SYN2: variants seen among roughly 807,000 people sequenced by gnomAD.
The protein encoded by SYN2 is synapsin II.
SYN2 carries 19 observed loss-of-function variants against 50.9 expected under a neutral mutation model. The ratio of observed to expected loss-of-function variants is 0.37; its 90% CI spans 0.26 to 0.55. The LOEUF is 0.55. Ranked by LOEUF, SYN2 falls within the 20% of genes least tolerant of loss-of-function variation. The pLI is 0.81. For missense variants in SYN2, 587 were observed against 576.4 expected, an observed-to-expected ratio of 1.02 and a Z score of -0.19; for synonymous variants, 255 against 224.9, an observed-to-expected ratio of 1.13 and a Z score of -1.20.
At chr3:12,127,279 C>T (rs762115867) in intron 1 of SYN2, among the ~76,000 whole-genome samples, 33 of 152,196 alleles carry the variant, frequency 2.2e-4, no homozygotes, top group Non-Finnish European at 7.3e-5. Context: ...AGAGCAAGAA[C>T]AGCACTATCT....
At chr3:12,106,623 T>C (rs976074733) in intron 1 of SYN2, among the ~76,000 whole-genome samples, 2 of 152,172 alleles carry the variant, frequency 1.3e-5, no homozygotes, top group South Asian at 2.1e-4. Context: ...TACAATCTTA[T>C]TCATGTTTAA....
intron 1 of SYN2, among the ~76,000 whole-genome samples, chr3:12,111,166 A>G (rs923932433): frequency 1.3e-5 from 2 of 152,162 alleles, no homozygotes; most frequent in Non-Finnish European, 1.5e-5. Context: ...TGCTGTTCTC[A>G]TGATAGTGAA....
intron 4 of SYN2, among the ~76,000 whole-genome samples, chr3:12,146,949 C>T (rs1056798515): frequency 6.6e-6 from 1 of 152,192 alleles, no homozygotes; most frequent in Non-Finnish European, 1.5e-5. Context: ...TTTATAACTT[C>T]TGTGACAAGC....
chr3:12,079,651 C>A (rs1473709592), intron 1 of SYN2, among the ~76,000 whole-genome samples: 2 of 152,098 alleles, frequency 1.3e-5, no homozygotes, highest in African/African-American at 4.8e-5. Flanking sequence ...AGGAATGAAG[C>A]CAATTTGATT....
At chr3:12,164,270 C>T (rs1353162205) in intron 7 of SYN2, among the ~76,000 whole-genome samples, 1 of 151,996 alleles carries the variant, frequency 6.6e-6, no homozygotes, top group East Asian at 1.9e-4. Flanking sequence ...AAAGAAGACA[C>T]CTAAATTTTA....
At chr3:12,167,054 T>C (rs1340205579) in intron 7 of SYN2, among the ~76,000 whole-genome samples, 180 bp from the exon 8 acceptor site, 4 of 152,118 alleles carry the variant, frequency 2.6e-5, no homozygotes, top group Admixed American at 2.6e-4. Context: ...GAGGAGGGCA[T>C]TGCAGGTGGG....
At chr3:12,046,635 A>G (rs756754352) in intron 1 of SYN2, among the ~76,000 whole-genome samples, 24 of 152,114 alleles carry the variant, frequency 1.6e-4, no homozygotes, top group Non-Finnish European at 2.8e-4. Context: ...GGAAGAGTGG[A>G]TGTTCGGAAA....
intron 1 of SYN2, among the ~76,000 whole-genome samples, chr3:12,138,292 C>G (rs926494331): frequency 6.6e-6 from 1 of 152,112 alleles, no homozygotes; most frequent in Non-Finnish European, 1.5e-5. Flanking sequence ...ACTAAGATTT[C>G]CAACAGGACA....
At chr3:12,190,153 T>C (rs1035294173) in intron 12 of SYN2, among the ~76,000 whole-genome samples, 1 of 152,222 alleles carries the variant, frequency 6.6e-6, no homozygotes, top group East Asian at 1.9e-4. Flanking sequence ...CTTACCAAGT[T>C]GGGATCTGTG....
chr3:12,100,851 A>G (rs879219129), intron 1 of SYN2, among the ~76,000 whole-genome samples: 1 of 152,184 alleles, frequency 6.6e-6, no homozygotes, highest in East Asian at 1.9e-4. Context: ...ATGGCCATGA[A>G]CATCTACGTG....
intron 1 of SYN2, among the ~76,000 whole-genome samples, chr3:12,054,666 C>CTT (rs34636626): frequency 0.1 from 14,507 of 141,176 alleles, 2,143 homozygotes; most frequent in African/African-American, 0.33. Context: ...CATCCTGGGA[C>CTT]TTTTTTTTTT....
At chr3:12,183,837 A>C in intron 11 of SYN2, 1 of 1,029,190 alleles carries the variant, frequency 9.7e-7, no homozygotes, top group Non-Finnish European at 1.2e-6. Flanking sequence ...AAGAAAACCC[A>C]ACTCCTCTCC....
intron 1 of SYN2, among the ~76,000 whole-genome samples, chr3:12,110,146 C>T (rs1021973833): frequency 5.3e-5 from 8 of 152,110 alleles, no homozygotes; most frequent in African/African-American, 1.7e-4. Context: ...TGTGATTGTG[C>T]CACTGTATTC....
intron 1 of SYN2, among the ~76,000 whole-genome samples, chr3:12,069,051 T>A (rs1046514227): frequency 1.3e-5 from 2 of 152,202 alleles, no homozygotes; most frequent in Non-Finnish European, 2.9e-5. Context: ...TTTTTTCACT[T>A]AGCGTAATGT....
chr3:12,099,975 GA>G (rs376887129), intron 1 of SYN2, among the ~76,000 whole-genome samples: 2 of 120,182 alleles, frequency 1.7e-5, no homozygotes, highest in Non-Finnish European at 3.2e-5. Flanking sequence ...AAAAAAAAAA[GA>G]AAAAAAAAAA....
intron 1 of SYN2, among the ~76,000 whole-genome samples, chr3:12,044,902 A>G (rs1456373058): frequency 6.6e-6 from 1 of 152,254 alleles, no homozygotes; most frequent in Non-Finnish European, 1.5e-5. Flanking sequence ...ATATATATTT[A>G]AATTTCACAA....
chr3:12,026,825 G>A (rs951230367), intron 1 of SYN2, among the ~76,000 whole-genome samples: 21 of 152,180 alleles, frequency 1.4e-4, no homozygotes, highest in African/African-American at 5.1e-4. Flanking sequence ...TTGCTAATCT[G>A]CAACTGCATG....
At chr3:12,024,266 C>G (rs183098899) in intron 1 of SYN2, among the ~76,000 whole-genome samples, 2 of 149,600 alleles carry the variant, frequency 1.3e-5, no homozygotes. Context: ...AAGCGATTCT[C>G]CTGCCTCAGT....
intron 1 of SYN2, among the ~76,000 whole-genome samples, chr3:12,088,711 C>A (rs1695764399): frequency 6.6e-6 from 1 of 152,062 alleles, no homozygotes; most frequent in Non-Finnish European, 1.5e-5. Context: ...ACAGCATTTA[C>A]AAAGAAGGAA....
Sources: allele counts gnomAD v4.1 joint callset (sites outside exome capture counted in the v4.1 genomes callset), GRCh38; gene constraint gnomAD v4.1.1; transcripts MANE v1.5; gene names NCBI Gene and HGNC (gene_info 2026-07-23, HGNC 2026-07-21).